LRP1B: variants seen among roughly 807,000 people sequenced by gnomAD.
LRP1B encodes the protein LDL receptor related protein 1B.
In LRP1B, 217 loss-of-function variants were observed where a neutral mutation model predicts 556.6. The ratio of observed to expected loss-of-function variants is 0.39; its 90% CI spans 0.35 to 0.44. The LOEUF (loss-of-function observed/expected upper bound fraction) is 0.44, where lower values mean the gene tolerates loss of function less well. Among genes scored for constraint, LRP1B ranks in the 20% least tolerant of loss-of-function variants. The probability of loss-of-function intolerance (pLI) is 1.00; values close to 1 mark genes in which losing one functional copy is unlikely to be tolerated. For missense variants in LRP1B, 5,053 were observed against 5,620.8 expected (o/e 0.90, Z 3.23); for synonymous variants, 2,047 against 1,865.8 (o/e 1.10, Z -2.50).
At position 140,925,207 on chromosome 2, in the gene LRP1B, T is replaced by C. The variant is rs10084343; in HGVS notation, c.3137-2060A>G. Among the ~76,000 whole-genome samples, 1,270 of 152,170 alleles carry C rather than the reference T, an allele frequency of 8.3e-3. 23 individuals are homozygous for C. Among genetic ancestry groups the C allele is most frequent in the African/African-American group, 0.029 (1,219 of 41,528 alleles). ...TCAGGGTCCTGAAACCAATCCCCAG[T>C]GTATATGGAGGAATGACTGTATGAC... On this transcript the variant is annotated intron_variant, in intron 20 of 90. Coordinates refer to ENST00000389484, the MANE Select transcript of LRP1B (RefSeq NM_018557.3).
At chr2:140,965,800 C>T (rs1306194094) in intron 18 of LRP1B, among the ~76,000 whole-genome samples, 3 of 30,840 alleles carry the variant, frequency 9.7e-5, no homozygotes, top group African/African-American at 1.5e-4. Flanking sequence ...TGAGAACATG[C>T]AGTGTTTTTT....
intron 31 of LRP1B, among the ~76,000 whole-genome samples, chr2:140,837,021 A>AT (rs1222540941): frequency 1.3e-5 from 2 of 152,186 alleles, no homozygotes; most frequent in African/African-American, 4.8e-5. Context: ...TACGGAATCT[A>AT]TTCTGTTTAT....
chr2:140,955,070 C>A (rs967775096), intron 18 of LRP1B, among the ~76,000 whole-genome samples: 3 of 151,838 alleles, frequency 2.0e-5, no homozygotes, highest in Admixed American at 6.6e-5. Flanking sequence ...TCTCTTGGGT[C>A]CTATAAGTCC....
intron 1 of LRP1B, among the ~76,000 whole-genome samples, chr2:141,829,457 T>C (rs1697041502): frequency 6.6e-6 from 1 of 152,128 alleles, no homozygotes; most frequent in Non-Finnish European, 1.5e-5. Flanking sequence ...AATTTGTGTC[T>C]AGCAGCATAT....
chr2:140,344,704 A>G (rs188077928), intron 77 of LRP1B, among the ~76,000 whole-genome samples: 2,260 of 151,636 alleles, frequency 0.015, 26 homozygotes, highest in Middle Eastern at 0.034. Flanking sequence ...TAGATACAAA[A>G]GAAAAACAAA....
intron 1 of LRP1B, among the ~76,000 whole-genome samples, chr2:142,122,582 C>A (rs937437882): frequency 6.6e-6 from 1 of 151,968 alleles, no homozygotes; most frequent in Admixed American, 6.6e-5. Context: ...AATACAAGGG[C>A]GCTCAGCAAG....
intron 1 of LRP1B, among the ~76,000 whole-genome samples, chr2:141,877,372 T>C (rs1698804083): frequency 6.6e-6 from 1 of 151,934 alleles, no homozygotes; most frequent in South Asian, 2.1e-4. Context: ...CATGACTGCA[T>C]CTATAATAGG....
At chr2:141,788,864 G>T (rs953138695) in intron 2 of LRP1B, among the ~76,000 whole-genome samples, 5 of 152,002 alleles carry the variant, frequency 3.3e-5, no homozygotes, top group African/African-American at 9.7e-5. Flanking sequence ...CAAAGGACAT[G>T]AACTTATCAT....
At chr2:141,916,196 G>A (rs2104962700) in intron 1 of LRP1B, among the ~76,000 whole-genome samples, 1 of 152,012 alleles carries the variant, frequency 6.6e-6, no homozygotes, top group South Asian at 2.1e-4. Context: ...CTGGTGGATT[G>A]GATAAAGAAA....
intron 1 of LRP1B, among the ~76,000 whole-genome samples, chr2:141,952,283 G>A (rs1439807122): frequency 2.0e-5 from 3 of 151,820 alleles, no homozygotes; most frequent in Non-Finnish European, 2.9e-5. Flanking sequence ...CCAAGTCTTT[G>A]CTATTGTGAA....
intron 11 of LRP1B, among the ~76,000 whole-genome samples, chr2:141,030,280 C>T (rs1360617257): frequency 6.6e-6 from 1 of 151,954 alleles, no homozygotes; most frequent in Non-Finnish European, 1.5e-5. Flanking sequence ...AAATGTTAAA[C>T]ATGGCATGAA....
intron 18 of LRP1B, among the ~76,000 whole-genome samples, chr2:140,976,503 C>CA (rs1237219633): frequency 9.5e-6 from 1 of 105,358 alleles, no homozygotes; most frequent in East Asian, 2.9e-4. Context: ...TTTTTTTTTC[C>CA]TTTTTTTTTT....
At chr2:140,819,379 CTT>C (rs1691240780) in intron 31 of LRP1B, among the ~76,000 whole-genome samples, 1 of 152,058 alleles carries the variant, frequency 6.6e-6, no homozygotes, top group Non-Finnish European at 1.5e-5. Context: ...AAATTAGAAA[CTT>C]TTGGTCTGTG....
At chr2:141,087,205 C>G (rs1306167922) in intron 7 of LRP1B, among the ~76,000 whole-genome samples, 1 of 67,336 alleles carries the variant, frequency 1.5e-5, no homozygotes, top group African/African-American at 4.7e-5. Flanking sequence ...ATGCTGGTAC[C>G]CAGGACATAC....
At chr2:141,203,578 T>C (rs961813337) in intron 6 of LRP1B, among the ~76,000 whole-genome samples, 9 of 51,674 alleles carry the variant, frequency 1.7e-4, no homozygotes, top group Middle Eastern at 0.014. Flanking sequence ...TCCCACACAA[T>C]AATGGGGGGG....
At chr2:142,043,605 T>A (rs1456165885) in intron 1 of LRP1B, among the ~76,000 whole-genome samples, 1 of 151,672 alleles carries the variant, frequency 6.6e-6, no homozygotes, top group Non-Finnish European at 1.5e-5. Flanking sequence ...TGGTATGATG[T>A]CAACAAAAAA....
chr2:140,539,822 C>A (rs996003917), intron 45 of LRP1B, among the ~76,000 whole-genome samples: 1 of 152,062 alleles, frequency 6.6e-6, no homozygotes, highest in African/African-American at 2.4e-5. Flanking sequence ...ATTTGTGGCC[C>A]GAAATATGGA....
intron 86 of LRP1B, among the ~76,000 whole-genome samples, chr2:140,248,252 T>C (rs1390499238): frequency 6.6e-6 from 1 of 151,690 alleles, no homozygotes; most frequent in Admixed American, 6.6e-5. Context: ...CATAAAATCA[T>C]TATTACTGAC....
intron 35 of LRP1B, among the ~76,000 whole-genome samples, chr2:140,743,284 T>C (rs754768148): frequency 6.6e-6 from 1 of 152,202 alleles, no homozygotes; most frequent in Non-Finnish European, 1.5e-5. Flanking sequence ...TCTTTGTCTG[T>C]GGTTCTAAAG....
Sources: gnomAD v4.1 joint callset for allele counts (sites outside exome capture counted in the v4.1 genomes callset) on GRCh38, gnomAD v4.1.1 for gene constraint, MANE v1.5 for transcripts, NCBI Gene and HGNC (gene_info 2026-07-23, HGNC 2026-07-21) for gene names.